CHLSN: variants seen among roughly 807,000 people sequenced by gnomAD.
CHLSN encodes the protein protein cholesin.
chr7:1,012,345 C>T, the CHLSN span, among the ~76,000 whole-genome samples: 1 of 152,226 alleles, frequency 6.6e-6, no homozygotes, highest in Admixed American at 6.5e-5. Context: ...CTGTGGGCAA[C>T]AGCAACGTGG....
chr7:1,115,883 C>A, the CHLSN span, among the ~76,000 whole-genome samples: 2 of 102,190 alleles, frequency 2.0e-5, no homozygotes, highest in African/African-American at 3.6e-5. Context: ...AGCTCTAGGA[C>A]CGGCTTCCAT....
At chr7:1,106,162 G>T in the CHLSN span, among the ~76,000 whole-genome samples, 1 of 152,182 alleles carries the variant, frequency 6.6e-6, no homozygotes, top group Non-Finnish European at 1.5e-5. Context: ...TCCCATCCTC[G>T]AGTCCCGCAC....
chr7:1,015,400 G>T, the CHLSN span, among the ~76,000 whole-genome samples: 3 of 152,216 alleles, frequency 2.0e-5, no homozygotes, highest in African/African-American at 7.2e-5. Context: ...CATGAACAGG[G>T]TTTGGGCCAT....
At chr7:1,021,776 G>C in the CHLSN span, among the ~76,000 whole-genome samples, 1 of 152,250 alleles carries the variant, frequency 6.6e-6, no homozygotes, top group Non-Finnish European at 1.5e-5. Flanking sequence ...CGCACTAAAA[G>C]AAAGCATGCG....
the CHLSN span, among the ~76,000 whole-genome samples, chr7:1,016,622 A>G: frequency 1.6e-3 from 104 of 63,496 alleles, 3 homozygotes; most frequent in African/African-American, 8.2e-3. Flanking sequence ...CGCACGCCAG[A>G]GCACAGTAGC....
chr7:1,039,097 C>CGGGA, the CHLSN span, among the ~76,000 whole-genome samples: 1 of 64,132 alleles, frequency 1.6e-5, no homozygotes, highest in Non-Finnish European at 3.2e-5. Flanking sequence ...CTGCCCCGTC[C>CGGGA]GGGAGGTGAG....
chr7:1,036,420 CGTGGT>C, the CHLSN span, among the ~76,000 whole-genome samples: 2 of 145,062 alleles, frequency 1.4e-5, no homozygotes, highest in Admixed American at 6.9e-5. Context: ...CTCGGGTGCT[CGTGGT>C]GTGGCCGTGT....
chr7:1,053,492 C>T, the CHLSN span, among the ~76,000 whole-genome samples: 7 of 152,332 alleles, frequency 4.6e-5, no homozygotes, highest in South Asian at 2.1e-4. Flanking sequence ...GGCCCTGGCA[C>T]GCTGTGGTTC....
At chr7:1,056,062 G>A in the CHLSN span, 38 of 153,702 alleles carry the variant, frequency 2.5e-4, no homozygotes, top group East Asian at 4.6e-3. Flanking sequence ...GCAGAGGCCC[G>A]GACGCCCCCC....
the CHLSN span, among the ~76,000 whole-genome samples, chr7:1,122,881 A>C: frequency 6.6e-6 from 1 of 152,188 alleles, no homozygotes; most frequent in African/African-American, 2.4e-5. Context: ...CGCAGAGCTG[A>C]GGAGGACAGA....
the CHLSN span, among the ~76,000 whole-genome samples, chr7:1,040,242 G>C: frequency 6.7e-6 from 1 of 150,192 alleles, no homozygotes; most frequent in African/African-American, 2.5e-5. Context: ...TGTATTCCCA[G>C]CTGCTTGGGA....
the CHLSN span, among the ~76,000 whole-genome samples, chr7:1,013,271 G>A: frequency 6.6e-6 from 1 of 152,250 alleles, no homozygotes; most frequent in East Asian, 1.9e-4. Flanking sequence ...AAGAACGTGG[G>A]TTTAATTAGC....
the CHLSN span, among the ~76,000 whole-genome samples, chr7:1,100,328 C>G: frequency 6.6e-6 from 1 of 152,230 alleles, no homozygotes; most frequent in Non-Finnish European, 1.5e-5. Context: ...TCAGGCCACT[C>G]TCGCTCTTCA....
chr7:1,106,411 A>G, the CHLSN span, among the ~76,000 whole-genome samples: 1 of 152,208 alleles, frequency 6.6e-6, no homozygotes, highest in African/African-American at 2.4e-5. Context: ...GGGAGAGGAC[A>G]GAGCCAAGAG....
the CHLSN span, among the ~76,000 whole-genome samples, chr7:1,089,981 G>A: frequency 6.6e-6 from 1 of 151,810 alleles, no homozygotes; most frequent in Non-Finnish European, 1.5e-5. Flanking sequence ...ATACTCAGGA[G>A]GCTGAGGCAG....
chr7:1,103,127 C>T, the CHLSN span, among the ~76,000 whole-genome samples: 9 of 152,230 alleles, frequency 5.9e-5, no homozygotes, highest in African/African-American at 1.2e-4. Flanking sequence ...GTCCGGGAGG[C>T]GCGGGTGCAG....
At chr7:1,112,881 G>A in the CHLSN span, among the ~76,000 whole-genome samples, 1 of 152,110 alleles carries the variant, frequency 6.6e-6, no homozygotes, top group Non-Finnish European at 1.5e-5. Flanking sequence ...GCCACGTCCT[G>A]GGCACTTACC....
At chr7:1,053,822 A>G in the CHLSN span, among the ~76,000 whole-genome samples, 1 of 152,138 alleles carries the variant, frequency 6.6e-6, no homozygotes, top group Non-Finnish European at 1.5e-5. Context: ...GCGAGACTCC[A>G]TCTCAAAAAA....
the CHLSN span, chr7:1,092,627 A>G: frequency 6.2e-7 from 1 of 1,612,364 alleles, no homozygotes; most frequent in Non-Finnish European, 8.5e-7. Context: ...TCTTTCCGCC[A>G]TGCCCACCCC....
Sources: gnomAD v4.1 joint callset for allele counts (sites outside exome capture counted in the v4.1 genomes callset) on GRCh38, gnomAD v4.1.1 for gene constraint, MANE v1.5 for transcripts, NCBI Gene and HGNC (gene_info 2026-07-23, HGNC 2026-07-21) for gene names.